Variants in CSMD1 observed in about 807,000 individuals in gnomAD.
The protein encoded by CSMD1 is CUB and Sushi multiple domains 1.
CSMD1 carries 213 observed loss-of-function variants against 417.5 expected under a neutral mutation model. The ratio of observed to expected loss-of-function variants is 0.51; its 90% CI spans 0.46 to 0.57. The LOEUF is 0.57. CSMD1 is among the 20% of genes least tolerant of loss of function. The pLI is 0.00. For synonymous variants in CSMD1, 2,862 were observed against 1,736.8 expected, an observed-to-expected ratio of 1.65 and a Z score of -16.11; for missense variants, 6,923 against 4,529.7, an observed-to-expected ratio of 1.53 and a Z score of -15.17.
At chr8:3,141,478 G>C (rs756245049) in intron 41 of CSMD1, among the ~76,000 whole-genome samples, 1 of 152,146 alleles carries the variant, frequency 6.6e-6, no homozygotes, top group East Asian at 1.9e-4. Context: ...TGTCTTTGCA[G>C]GACTAACAAA....
rs540055782 is a variant in CSMD1 at position 3,881,248 on chromosome 8, GTTTC to G, written c.818+116651_818+116654del. Among the ~76,000 whole-genome samples the G allele has an allele frequency of 2.7e-3, 273 of 100,372 alleles. 1 individual carries two copies. The highest frequency in any genetic ancestry group is 2.3e-3 in the African/African-American group (59 of 25,282). The allele number at this position is 100,372 out of a possible 152,430, so 65.8% of individuals were successfully genotyped here. A position where few individuals can be genotyped will look rare whatever the true frequency, so the allele number is the denominator to read the frequency against. On this transcript the variant is annotated intron_variant, in intron 5 of 69. Coordinates refer to ENST00000635120, the MANE Select transcript of CSMD1 (RefSeq NM_033225.6). ...TCAACCCAAACCTCAACAGAGTTTT[GTTTC>G]TTTGTTTTTTGCTTTTTTTTTTCAC...
At chr8:4,076,017 AT>A (rs1235704763) in intron 3 of CSMD1, among the ~76,000 whole-genome samples, 4 of 152,156 alleles carry the variant, frequency 2.6e-5, no homozygotes, top group Non-Finnish European at 1.5e-5. Context: ...GGATATTTTA[AT>A]TCCTATAAAT....
intron 3 of CSMD1, among the ~76,000 whole-genome samples, chr8:4,290,480 G>C (rs954294891): frequency 1.3e-5 from 2 of 152,110 alleles, no homozygotes; most frequent in East Asian, 1.9e-4. Flanking sequence ...CAGGGACACT[G>C]CATCTTTCAT....
intron 1 of CSMD1, among the ~76,000 whole-genome samples, chr8:4,739,213 G>A (rs537214000): frequency 6.6e-6 from 1 of 152,096 alleles, no homozygotes; most frequent in African/African-American, 2.4e-5. Context: ...ATCTATTAAA[G>A]CAATCCTATG....
At chr8:4,621,458 C>A (rs190947965) in intron 2 of CSMD1, among the ~76,000 whole-genome samples, 25 of 152,150 alleles carry the variant, frequency 1.6e-4, no homozygotes, top group Admixed American at 1.4e-3. Context: ...AAGCAGAGAT[C>A]AAGTGGATAT....
At chr8:3,256,322 A>AG (rs1563192906) in intron 26 of CSMD1, among the ~76,000 whole-genome samples, 9 of 119,124 alleles carry the variant, frequency 7.6e-5, no homozygotes, top group Admixed American at 2.6e-4. Context: ...AAAAAAAAAA[A>AG]AAAGAGAAGA....
intron 8 of CSMD1, among the ~76,000 whole-genome samples, chr8:3,593,848 C>G (rs1489921427): frequency 2.6e-5 from 4 of 152,142 alleles, no homozygotes; most frequent in Admixed American, 2.6e-4. Context: ...CTCTCTTTCT[C>G]TATTTTTCTC....
At position 3,892,853 on chromosome 8, in the gene CSMD1, G is replaced by T. The variant is rs138041775; in HGVS notation, c.818+105050C>A. On this transcript the variant is annotated intron_variant, in intron 5 of 69. Transcript: ENST00000635120. ...TGCAGGTTCTGAGAATGTGTTCCAC[G>T]GGCCAGACACAGAGCAGGTGAGTGG... Among the ~76,000 whole-genome samples, 280 of 151,688 alleles carry T rather than the reference G, an allele frequency of 1.8e-3. 4 individuals carry two copies. Among genetic ancestry groups the T allele is most frequent in the African/African-American group, 6.4e-3 (264 of 41,374 alleles).
At chr8:4,223,923 A>G (rs903212058) in intron 3 of CSMD1, among the ~76,000 whole-genome samples, 14 of 152,216 alleles carry the variant, frequency 9.2e-5, no homozygotes, top group Non-Finnish European at 1.6e-4. Flanking sequence ...CAGACGGTTA[A>G]TAACATCCAG....
intron 3 of CSMD1, among the ~76,000 whole-genome samples, chr8:4,128,279 A>C (rs3914777): frequency 0.46 from 69,459 of 151,952 alleles, 16,046 homozygotes; most frequent in African/African-American, 0.49. Context: ...ATGAGTAAGA[A>C]TGATCTGAGA....
intron 8 of CSMD1, among the ~76,000 whole-genome samples, chr8:3,610,949 G>A (rs1490635158): frequency 1.3e-5 from 2 of 151,912 alleles, no homozygotes; most frequent in Non-Finnish European, 1.5e-5. Context: ...TCAAGCAACA[G>A]CACCAGGCAG....
intron 3 of CSMD1, among the ~76,000 whole-genome samples, chr8:4,239,745 G>A (rs1802280991): frequency 1.3e-5 from 2 of 152,108 alleles, no homozygotes; most frequent in African/African-American, 4.8e-5. Flanking sequence ...GTGGGTGGTG[G>A]TTTCTTAATG....
At chr8:4,244,362 G>A (rs953748262) in intron 3 of CSMD1, among the ~76,000 whole-genome samples, 5 of 152,130 alleles carry the variant, frequency 3.3e-5, no homozygotes, top group African/African-American at 1.2e-4. Flanking sequence ...TTAATAGGTA[G>A]AAAGACCTAG....
At chr8:3,144,049 A>G (rs1166624938) in intron 40 of CSMD1, among the ~76,000 whole-genome samples, 1 of 152,222 alleles carries the variant, frequency 6.6e-6, no homozygotes, top group African/African-American at 2.4e-5. Context: ...CAAAAGGGTA[A>G]ATAGTGCCCT....
chr8:4,904,514 C>T (rs942725730), intron 1 of CSMD1, among the ~76,000 whole-genome samples: 1 of 151,986 alleles, frequency 6.6e-6, no homozygotes, highest in African/African-American at 2.4e-5. Context: ...AGCCTACTAC[C>T]CTTTCCAGGT....
intron 3 of CSMD1, among the ~76,000 whole-genome samples, chr8:4,417,449 C>T (rs141095163): frequency 1.5e-3 from 233 of 152,080 alleles, no homozygotes; most frequent in African/African-American, 4.8e-3. Flanking sequence ...TCCTTTCAAG[C>T]CAATACATTT....
At chr8:3,409,886 G>A (rs191319748) in intron 12 of CSMD1, among the ~76,000 whole-genome samples, 2 of 152,180 alleles carry the variant, frequency 1.3e-5, no homozygotes, top group Non-Finnish European at 2.9e-5. Context: ...ATTAATCGGT[G>A]CATCTTCTGG....
chr8:4,426,365 A>G (rs1797555076), intron 2 of CSMD1, among the ~76,000 whole-genome samples: 1 of 150,212 alleles, frequency 6.7e-6, no homozygotes, highest in African/African-American at 2.4e-5. Context: ...AATCCTTTTT[A>G]TATATTTTGT....
intron 1 of CSMD1, among the ~76,000 whole-genome samples, chr8:4,861,585 A>G (rs1184528379): frequency 2.0e-5 from 3 of 152,176 alleles, no homozygotes; most frequent in African/African-American, 4.8e-5. Context: ...AGGATTGTCA[A>G]CTGAAGTTCT....
Sources: allele counts gnomAD v4.1 joint callset (sites outside exome capture counted in the v4.1 genomes callset), GRCh38; gene constraint gnomAD v4.1.1; transcripts MANE v1.5; gene names NCBI Gene and HGNC (gene_info 2026-07-23, HGNC 2026-07-21).